Variants in MALRD1 observed in about 807,000 individuals in gnomAD.
MALRD1 encodes the protein MAM and LDL receptor class A domain containing 1.
In MALRD1, 247 loss-of-function variants were observed where a neutral mutation model predicts 242.1. That is an observed-to-expected ratio of 1.02 (90% CI 0.92 to 1.13). The LOEUF (loss-of-function observed/expected upper bound fraction) is 1.13, where lower values mean the gene tolerates loss of function less well. Ranked by LOEUF, MALRD1 falls within the 50% of genes most tolerant of loss-of-function variation. MALRD1 has a pLI of 0.00. For synonymous variants in MALRD1, 995 were observed against 866.6 expected (o/e 1.15, Z -2.60); for missense variants, 2,989 against 2,533.1 (o/e 1.18, Z -3.86).
chr10:19,696,170 G>A lies in MALRD1; in HGVS notation c.6314+3616G>A, dbSNP rs184076189. Among the ~76,000 whole-genome samples the A allele has an allele frequency of 2.4e-3, 370 of 152,268 alleles. 1 individual carries two copies. Among genetic ancestry groups the A allele is most frequent in the African/African-American group, 8.3e-3 (345 of 41,558 alleles). ...AAGGAACTCTGCAGGCTGGGCTCATGCAAGACTCAGAGACCCTGCCAATCA... is the reference window on the plus strand; with the variant it reads ...AAGGAACTCTGCAGGCTGGGCTCATACAAGACTCAGAGACCCTGCCAATCA... On this transcript the variant is annotated intron_variant, in intron 38 of 39. Coordinates refer to ENST00000454679, the MANE Select transcript of MALRD1 (RefSeq NM_001142308.3).
chr10:19,599,244 A>G (rs759155015), intron 34 of MALRD1, among the ~76,000 whole-genome samples: 12 of 152,156 alleles, frequency 7.9e-5, no homozygotes, highest in Non-Finnish European at 1.8e-4. Flanking sequence ...TTAGACAGGG[A>G]AATCGATAAT....
intron 28 of MALRD1, among the ~76,000 whole-genome samples, chr10:19,391,389 C>A (rs10740884): frequency 0.88 from 133,190 of 152,216 alleles, 58,510 homozygotes; most frequent in African/African-American, 0.92. Context: ...TTCAACCAGC[C>A]TTACAGAGTA....
intron 13 of MALRD1, among the ~76,000 whole-genome samples, chr10:19,171,093 T>G (rs1203910309): frequency 1.3e-5 from 2 of 152,090 alleles, no homozygotes; most frequent in Non-Finnish European, 2.9e-5. Flanking sequence ...AGTTTTGCAC[T>G]TGTAAAAAGT....
chr10:19,245,205 G>T (rs1838989246), intron 18 of MALRD1, among the ~76,000 whole-genome samples: 2 of 152,184 alleles, frequency 1.3e-5, no homozygotes, highest in African/African-American at 4.8e-5. Flanking sequence ...ACAATGAGAT[G>T]CAGCATTATT....
At chr10:19,310,905 C>G (rs935309541) in intron 21 of MALRD1, among the ~76,000 whole-genome samples, 1 of 151,390 alleles carries the variant, frequency 6.6e-6, no homozygotes, top group African/African-American at 2.4e-5. Flanking sequence ...ACTTAACTCC[C>G]GCATGAGTCT....
Position 19,075,510 on chromosome 10 carries a change from A to G in MALRD1, c.340+8651A>G, listed in dbSNP as rs554652057. Among the ~76,000 whole-genome samples the G allele has an allele frequency of 3.4e-4, 51 of 152,192 alleles. 1 individual carries two copies. The South Asian group carries it at 9.7e-3, about 29-fold the overall frequency. On this transcript the variant is annotated intron_variant, in intron 2 of 39. Transcript: ENST00000454679. Reference sequence around the variant, plus strand: ...TTGGAAATGAAGAAAGGGGATCACAAGAAAGTAATACAGGGGCCTCTAAAA... The same window carrying G: ...TTGGAAATGAAGAAAGGGGATCACAGGAAAGTAATACAGGGGCCTCTAAAA...
At chr10:19,074,135 G>T (rs191534221) in intron 2 of MALRD1, among the ~76,000 whole-genome samples, 1 of 152,138 alleles carries the variant, frequency 6.6e-6, no homozygotes, top group Admixed American at 6.6e-5. Context: ...TCCTCCAAAG[G>T]TTACTAATTT....
rs562082953 is a variant in MALRD1 at position 19,553,562 on chromosome 10, CT to C, written c.5479-13939del. On this transcript the variant is annotated intron_variant, in intron 32 of 39. Coordinates refer to ENST00000454679, the MANE Select transcript of MALRD1 (RefSeq NM_001142308.3). ...TTAAATCCCCTATTTAAATTGAAAC[CT>C]GGGGCTTTTTGTTATTCAGAAACTG... 1.6e-4 allele frequency among the ~76,000 whole-genome samples: 24 copies of C among 152,050 alleles called. 1 individual carries two copies. In the South Asian group the frequency reaches 5.0e-3, roughly 32 times the overall value.
At chr10:19,572,702 C>T (rs1019885682) in intron 33 of MALRD1, among the ~76,000 whole-genome samples, 9 of 152,154 alleles carry the variant, frequency 5.9e-5, no homozygotes, top group South Asian at 2.1e-4. Flanking sequence ...TTTTGAAGTA[C>T]GGTGGGCCCT....
intron 34 of MALRD1, among the ~76,000 whole-genome samples, chr10:19,597,620 A>G (rs1838160314): frequency 6.6e-6 from 1 of 152,176 alleles, no homozygotes; most frequent in South Asian, 2.1e-4. Flanking sequence ...ATCCTAACTG[A>G]TGCCACATAT....
chr10:19,415,386 G>T (rs562048706), intron 28 of MALRD1, among the ~76,000 whole-genome samples: 1 of 151,968 alleles, frequency 6.6e-6, no homozygotes, highest in Non-Finnish European at 1.5e-5. Context: ...TGAATTATTA[G>T]ACAAAATCAA....
At chr10:19,611,417 C>T (rs1248192875) in intron 35 of MALRD1, among the ~76,000 whole-genome samples, 1 of 151,950 alleles carries the variant, frequency 6.6e-6, no homozygotes. Flanking sequence ...TTTTTATATG[C>T]ATGTTCCTGC....
chr10:19,583,860 C>G (rs1204470791), intron 33 of MALRD1, among the ~76,000 whole-genome samples: 3 of 151,974 alleles, frequency 2.0e-5, no homozygotes, highest in African/African-American at 7.3e-5. Context: ...GTCCTGGACT[C>G]TTTTTGGTTG....
chr10:19,315,953 A>G (rs1001669339), intron 21 of MALRD1, among the ~76,000 whole-genome samples: 5 of 150,288 alleles, frequency 3.3e-5, no homozygotes, highest in Non-Finnish European at 7.4e-5. Context: ...TCATATACCT[A>G]TGAATTTACT....
chr10:19,388,562 G>A (rs1412564630), intron 27 of MALRD1, among the ~76,000 whole-genome samples: 1 of 152,138 alleles, frequency 6.6e-6, no homozygotes, highest in Admixed American at 6.6e-5. Context: ...TGACCTGTGT[G>A]CCTCACAGAG....
In MALRD1 at chr10:19,597,127, G is replaced by C. The variant is rs1838137012; in HGVS notation, c.5944+1670G>C. 1.3e-5 allele frequency among the ~76,000 whole-genome samples: 2 copies of C among 152,128 alleles called. 1 individual carries two copies. The highest frequency in any genetic ancestry group is 4.8e-5 in the African/African-American group (2 of 41,426). On this transcript the variant is annotated intron_variant, in intron 34 of 39. Transcript: ENST00000454679. ...TATTTCCTACCTATATATTCTCTCT[G>C]AGATAAAGCCAACCTGTCAGGTCTT...
intron 25 of MALRD1, among the ~76,000 whole-genome samples, chr10:19,349,946 A>C (rs1191239109): frequency 1.3e-5 from 2 of 152,154 alleles, no homozygotes; most frequent in Admixed American, 6.6e-5. Flanking sequence ...GTGTGAGAAT[A>C]ATGAAGTATG....
At position 19,690,186 on chromosome 10, in the gene MALRD1, T is replaced by A. The variant is rs566325668; in HGVS notation, c.6138-2096T>A. Among the ~76,000 whole-genome samples the A allele has an allele frequency of 4.8e-4, 73 of 152,150 alleles. 1 individual carries two copies. In the South Asian group the frequency reaches 6.4e-3, roughly 13 times the overall value. On this transcript the variant is annotated intron_variant, in intron 36 of 39. Transcript: ENST00000454679. Reference sequence around the variant, plus strand: ...ATAAATCATACTTATTAAATTGAAGTTTTCCTTGGCCAAAAATAACTAAAA... The same window carrying A: ...ATAAATCATACTTATTAAATTGAAGATTTCCTTGGCCAAAAATAACTAAAA...
In MALRD1 at chr10:19,534,871, T is replaced by TTTG. The variant is rs10606895; in HGVS notation, c.5478+3541_5478+3543dup. Among the ~76,000 whole-genome samples the TTTG allele has an allele frequency of 1.1e-3, 165 of 151,258 alleles. 3 individuals carry two copies. The Middle Eastern group carries it at 0.017, about 16-fold the overall frequency. ...TATATGCTATTTTATTTATAAAGTT[T>TTTG]TTGTTGTTGTTGTTGTTGTTGTTTT... On this transcript the variant is annotated intron_variant, in intron 32 of 39. Transcript: ENST00000454679.
Sources: allele counts gnomAD v4.1 joint callset (sites outside exome capture counted in the v4.1 genomes callset), GRCh38; gene constraint gnomAD v4.1.1; transcripts MANE v1.5; gene names NCBI Gene and HGNC (gene_info 2026-07-23, HGNC 2026-07-21).